HDAC9: variants seen among roughly 807,000 people sequenced by gnomAD.
HDAC9 encodes histone deacetylase 9.
In HDAC9, 41 loss-of-function variants were observed where a neutral mutation model predicts 139.4. The ratio of observed to expected loss-of-function variants is 0.29; its 90% CI spans 0.23 to 0.38. The LOEUF is 0.38. Ranked by LOEUF, HDAC9 falls within the 10% of genes least tolerant of loss-of-function variation. HDAC9 has a pLI of 1.00. For missense variants in HDAC9, 1,147 were observed against 1,297.0 expected (o/e 0.88, Z 1.78); for synonymous variants, 517 against 476.2 (o/e 1.09, Z -1.12).
intron 2 of HDAC9, among the ~76,000 whole-genome samples, chr7:18,201,032 G>A (rs990945852): frequency 3.9e-5 from 6 of 152,174 alleles, no homozygotes; most frequent in South Asian, 2.1e-4. Flanking sequence ...CAGCCTCCTC[G>A]TTTTACACAT....
chr7:18,120,826 T>A (rs896714197), intron 1 of HDAC9, among the ~76,000 whole-genome samples: 1 of 152,206 alleles, frequency 6.6e-6, no homozygotes, highest in Non-Finnish European at 1.5e-5. Context: ...CAAAAGCAAT[T>A]TGATTTGCTC....
intron 2 of HDAC9, among the ~76,000 whole-genome samples, chr7:18,168,556 C>A (rs1273312280): frequency 6.6e-6 from 1 of 151,884 alleles, no homozygotes; most frequent in Non-Finnish European, 1.5e-5. Context: ...AGTACAAAAA[C>A]TCTGTGTGTG....
chr7:18,536,052 CT>C (rs1457412523), intron 2 of HDAC9, among the ~76,000 whole-genome samples: 2 of 152,144 alleles, frequency 1.3e-5, no homozygotes, highest in African/African-American at 2.4e-5. Context: ...TGCCTCAGAG[CT>C]TTCTTTTGTA....
At chr7:18,738,054 C>G (rs1426181474) in intron 13 of HDAC9, among the ~76,000 whole-genome samples, 1 of 151,936 alleles carries the variant, frequency 6.6e-6, no homozygotes, top group Non-Finnish European at 1.5e-5. Flanking sequence ...GGTTTAAAGT[C>G]TGTTTTATCA....
chr7:18,986,738 T>C (rs540915181), intron 25 of HDAC9, among the ~76,000 whole-genome samples: 2 of 152,346 alleles, frequency 1.3e-5, no homozygotes, highest in South Asian at 4.1e-4. Context: ...GTATCCTCTT[T>C]TATTTCCTTG....
At chr7:18,723,601 A>G (rs212663) in intron 12 of HDAC9, among the ~76,000 whole-genome samples, 2,226 of 152,270 alleles carry the variant, frequency 0.015, 57 homozygotes, top group African/African-American at 0.051. Context: ...CTGCTTACTG[A>G]ATTGTGAAAT....
intron 17 of HDAC9, among the ~76,000 whole-genome samples, chr7:18,809,288 T>C (rs114541327): frequency 0.012 from 1,805 of 152,114 alleles, 39 homozygotes; most frequent in African/African-American, 0.041. Flanking sequence ...GCAATGATTT[T>C]TTGGTTATAC....
intron 16 of HDAC9, among the ~76,000 whole-genome samples, chr7:18,781,083 G>A (rs1296088898): frequency 6.6e-6 from 1 of 151,882 alleles, no homozygotes; most frequent in African/African-American, 2.4e-5. Context: ...TTCTCATTGT[G>A]GCCTCACAAG....
At chr7:18,387,990 C>A (rs2128720410) in intron 1 of HDAC9, among the ~76,000 whole-genome samples, 1 of 151,400 alleles carries the variant, frequency 6.6e-6, no homozygotes, top group South Asian at 2.1e-4. Context: ...TTGCAGTAAC[C>A]CAGTGATTTC....
At chr7:18,748,841 A>G (rs1047367692) in intron 13 of HDAC9, among the ~76,000 whole-genome samples, 164 bp from the exon 14 acceptor site, 1 of 152,206 alleles carries the variant, frequency 6.6e-6, no homozygotes, top group African/African-American at 2.4e-5. Flanking sequence ...GACAGGTCTC[A>G]ATAGTTCTTA....
At chr7:18,557,339 G>GT (rs34667664) in intron 2 of HDAC9, among the ~76,000 whole-genome samples, 42,705 of 137,342 alleles carry the variant, frequency 0.31, 6,752 homozygotes, top group Admixed American at 0.38. Context: ...GCAATGATGA[G>GT]TTTTTTTTTT....
chr7:18,750,234 T>C (rs1788323294), intron 14 of HDAC9, among the ~76,000 whole-genome samples: 4 of 152,206 alleles, frequency 2.6e-5, no homozygotes. Context: ...TTCATTCAGT[T>C]TGTTCATTTC....
chr7:18,292,623 C>T (rs1187706753), intron 1 of HDAC9, among the ~76,000 whole-genome samples: 2 of 152,016 alleles, frequency 1.3e-5, no homozygotes, highest in Non-Finnish European at 2.9e-5. Flanking sequence ...AAGAAATGCT[C>T]TTTTAGTAAA....
At chr7:18,500,527 C>A (rs1010468258) in intron 2 of HDAC9, among the ~76,000 whole-genome samples, 1 of 152,170 alleles carries the variant, frequency 6.6e-6, no homozygotes, top group African/African-American at 2.4e-5. Context: ...TAGAATTTTA[C>A]TGGCAAGTTG....
intron 16 of HDAC9, among the ~76,000 whole-genome samples, chr7:18,785,129 G>A (rs1395854540): frequency 6.6e-6 from 1 of 152,064 alleles, no homozygotes; most frequent in African/African-American, 2.4e-5. Context: ...GTGGTAAGGT[G>A]AGAATGAAGC....
chr7:18,496,314 G>A lies in HDAC9; in HGVS notation c.12G>A (p.Met4Ile). 1 of 1,613,070 alleles carries A rather than the reference G, an allele frequency of 6.2e-7. No homozygotes were observed. The highest frequency in any genetic ancestry group is 1.1e-5 in the South Asian group (1 of 91,056). ...TGGCTCAGCAAAGAATGCACAGTAT[G>A]ATCAGCTCAGGTAAGATCCTCTTTC... MHS[M>I]ISSVDVKSEV... Residue 4 changes from methionine (M) to isoleucine (I), a missense_variant, in exon 2 of 26, where the codon ATG (methionine) becomes ATA (isoleucine). Transcript: ENST00000686413.
rs137882288 is a variant in HDAC9 at position 18,247,550 on chromosome 7, G to C, written c.25+85201G>C. 4.7e-4 allele frequency among the ~76,000 whole-genome samples: 71 copies of C among 152,146 alleles called. No homozygotes were observed. In the East Asian group the frequency reaches 0.01, roughly 22 times the overall value. On this transcript the variant is annotated intron_variant, in intron 2 of 12. Coordinates refer to the HDAC9 transcript ENST00000417496. ...GGGAAAATGAAAAGAGGAGAATTGG[G>C]AACAGTGAGTAGGGACAAATATTTG... is the stretch of plus-strand genomic sequence containing the variant.
chr7:18,339,363 G>C (rs2128658674), intron 1 of HDAC9, among the ~76,000 whole-genome samples: 1 of 151,276 alleles, frequency 6.6e-6, no homozygotes, highest in East Asian at 1.9e-4. Context: ...GAAGCAATTG[G>C]CTTAAGATCT....
In HDAC9 at chr7:18,954,225, T is replaced by A; in HGVS notation, c.3017T>A (p.Ile1006Asn). 1 of 1,489,528 alleles carries A rather than the reference T, an allele frequency of 6.7e-7. No individual in the cohort carries two copies. The highest frequency in any genetic ancestry group is 9.2e-7 in the Non-Finnish European group (1 of 1,083,900). The allele number at this position is 1,489,528 out of a possible 1,614,324, so 92.3% of individuals were successfully genotyped here. Residue 1006 changes from isoleucine (I) to asparagine (N), a missense_variant, in exon 24 of 26, where the codon ATT becomes AAT. By Grantham distance (149) the Ile-to-Asn change is moderately radical. This residue lies in a region of HDAC9 where 407 missense variants were observed against 521.5 expected (regional missense o/e 0.78). Transcript: ENST00000686413. ...ATTTCTTTACAGAAGATCATTGAAATTCAAAGTATGTCTTTAAAGTTCTCT... is the reference window on the plus strand; with the variant it reads ...ATTTCTTTACAGAAGATCATTGAAAATCAAAGTATGTCTTTAAAGTTCTCT... ...AVISLQKIIEIQSKYWKSVRM... is the reference protein window; with the variant it reads ...AVISLQKIIENQSKYWKSVRM...
Sources: allele counts gnomAD v4.1 joint callset (sites outside exome capture counted in the v4.1 genomes callset), GRCh38; gene constraint gnomAD v4.1.1; regional missense constraint gnomAD v4.1.1; transcripts MANE v1.5; gene names NCBI Gene and HGNC (gene_info 2026-07-23, HGNC 2026-07-21).